Variants in ZNF23 observed in about 807,000 individuals in gnomAD.
ZNF23 encodes the protein zinc finger protein 23.
In ZNF23, 48 loss-of-function variants were observed where a neutral mutation model predicts 56.2. The ratio of observed to expected loss-of-function variants is 0.85; its 90% CI spans 0.68 to 1.09. The LOEUF is 1.09. Ranked by LOEUF, ZNF23 falls within the 50% of genes least tolerant of loss-of-function variation. The probability of loss-of-function intolerance (pLI) is 0.00; values close to 1 mark genes in which losing one functional copy is unlikely to be tolerated. For synonymous variants in ZNF23, 266 were observed against 283.3 expected (o/e 0.94, Z 0.61); for missense variants, 805 against 811.4 (o/e 0.99, Z 0.10).
Position 71,448,395 on chromosome 16 carries a change from T to C in ZNF23, c.1759A>G (p.Ser587Gly). 1 of 1,614,246 alleles carries C rather than the reference T, an allele frequency of 6.2e-7. No individual in the cohort carries two copies. Among genetic ancestry groups the C allele is most frequent in the South Asian group, 1.1e-5 (1 of 91,088 alleles). Residue 587 changes from serine to glycine, a missense_variant, in exon 5 of 5, where the codon AGT becomes GGT. Transcript: ENST00000647773. ...CTCTGGTGCACAATATAGTTAGAAC[T>C]ACAGCTGAATGCTTTCTCACATTCC... ...CMECEKAFSCSSNYIVHQRIH... is the reference protein window; with the variant it reads ...CMECEKAFSCGSNYIVHQRIH...
Position 71,454,125 on chromosome 16 carries a change from G to T in ZNF23, c.77C>A (p.Ala26Glu). 2 of 1,613,958 alleles carry T rather than the reference G, an allele frequency of 1.2e-6. No homozygotes were observed. The highest frequency in any genetic ancestry group is 8.5e-7 in the Non-Finnish European group (1 of 1,179,988). The change falls in exon 3 of 5, where the codon GCG becomes GAG. Residue 26 changes from alanine (A) to glutamate (E), a missense_variant. Ala to Glu is a moderately radical substitution (Grantham distance 107). Coordinates refer to ENST00000647773, the MANE Select transcript of ZNF23 (RefSeq NM_001381984.1). ...FEDVAVYFTQ[A>E]EWDGLSPAQR... is the part of the protein sequence containing the mutation. ...TGCAGGGGACAGGCCATCCCATTCC[G>T]CCTGGGTGAAGTACACAGCCACGTC... is the stretch of plus-strand genomic sequence containing the variant.
At chr16:71,458,902 G>C (rs904680163) in intron 1 of ZNF23, among the ~76,000 whole-genome samples, 1 of 152,236 alleles carries the variant, frequency 6.6e-6, no homozygotes, top group African/African-American at 2.4e-5. Context: ...GCTGAGCAGT[G>C]TTTTACTTAT....
In ZNF23 at chr16:71,449,806, G is replaced by C. The variant is rs1458260141; in HGVS notation, c.348C>G (p.Asp116Glu). 8 of 1,613,894 alleles carry C rather than the reference G, an allele frequency of 5.0e-6. No individual in the cohort carries two copies. Among genetic ancestry groups the C allele is most frequent in the Non-Finnish European group, 6.8e-6 (8 of 1,180,030 alleles). The change falls in exon 5 of 5, where the codon GAC becomes GAG. Residue 116 changes from aspartate to glutamate, a missense_variant. Asp to Glu is a conservative substitution (Grantham distance 45). Transcript: ENST00000647773. ...CTGAAAAGTCTGTTTCCTGGGAAAA[G>C]TCTCTTTGAAGTTCAAATGATACAT... ...KENVSFELQRDFSQETDFSEA... is the reference protein window; with the variant it reads ...KENVSFELQREFSQETDFSEA...
Position 71,448,025 on chromosome 16 carries a change from G to A in ZNF23, c.*68C>T, listed in dbSNP as rs1596991842. 1 of 1,325,608 alleles carries A rather than the reference G, an allele frequency of 7.5e-7. No individual in the cohort carries two copies. The highest frequency in any genetic ancestry group is 2.4e-5 in the East Asian group (1 of 42,496). The allele number at this position is 1,325,608 out of a possible 1,614,324, so 82.1% of individuals were successfully genotyped here. ...CATGCCCTCTTGGAGGTTTTTCAATGGATGAATCTGATGATACTTGATCCA... is the reference window on the plus strand; with the variant it reads ...CATGCCCTCTTGGAGGTTTTTCAATAGATGAATCTGATGATACTTGATCCA... On this transcript the variant is annotated 3_prime_UTR_variant, in exon 5 of 5. Coordinates refer to ENST00000647773, the MANE Select transcript of ZNF23 (RefSeq NM_001381984.1).
At chr16:71,457,166 G>C (rs1473539333) in intron 1 of ZNF23, among the ~76,000 whole-genome samples, 1 of 152,020 alleles carries the variant, frequency 6.6e-6, no homozygotes, top group Non-Finnish European at 1.5e-5. Flanking sequence ...ACGGTGGCTC[G>C]TGCCTATAAT....
chr16:71,458,696 C>T (rs946019973), intron 1 of ZNF23, among the ~76,000 whole-genome samples: 6 of 152,180 alleles, frequency 3.9e-5, no homozygotes, highest in South Asian at 2.1e-4. Flanking sequence ...ACTCACTCCC[C>T]GCCTCCCCCA....
rs1341573034 is a variant in ZNF23 at position 71,449,168 on chromosome 16, C to G, written c.986G>C (p.Gly329Ala). 1.9e-6 allele frequency: 3 copies of G among 1,614,098 alleles called. No individual in the cohort carries two copies. Among genetic ancestry groups the G allele is most frequent in the South Asian group, 2.2e-5 (2 of 91,080 alleles). Residue 329 changes from glycine to alanine, a missense_variant, in exon 5 of 5, where the codon GGA becomes GCA. Physicochemically the swap from Gly to Ala is moderately conservative, Grantham distance 60. Coordinates refer to ENST00000647773, the MANE Select transcript of ZNF23 (RefSeq NM_001381984.1). The stretch of plus-strand genomic sequence containing the variant: ...TGCAGAACTACAGCTGAAGCCATTT[C>G]CACATTCCTTGCACTGATAGGGCTT... ...GEKPYQCKEC[G>A]NGFSCSSAYI... is the part of the protein sequence containing the mutation.
At chr16:71,453,521 AC>A in intron 3 of ZNF23, 171 bp from the exon 4 acceptor site, 1 of 563,234 alleles carries the variant, frequency 1.8e-6, no homozygotes, top group Non-Finnish European at 3.1e-6. Context: ...GACTAAAGAG[AC>A]CTTGGAGACT....
chr16:71,454,924 C>A (rs536046767), intron 2 of ZNF23, among the ~76,000 whole-genome samples: 1 of 152,298 alleles, frequency 6.6e-6, no homozygotes, highest in African/African-American at 2.4e-5. Context: ...AGGGACGCTT[C>A]GTGTCACTCC....
At chr16:71,457,901 C>T (rs1336570231) in intron 1 of ZNF23, among the ~76,000 whole-genome samples, 1 of 152,138 alleles carries the variant, frequency 6.6e-6, no homozygotes, top group African/African-American at 2.4e-5. Context: ...GCTGGACTGG[C>T]TGGGCTGCAG....
intron 4 of ZNF23, 110 bp from the exon 5 acceptor site, chr16:71,449,995 A>C: frequency 1.2e-6 from 1 of 833,746 alleles, no homozygotes; most frequent in Non-Finnish European, 1.8e-6. Context: ...AAATCACCAG[A>C]CTAGGTCAAA....
rs779589820 is a variant in ZNF23, at chr16:71,449,335, C to T, written c.819G>A (p.Gly273=). ...GEKPFKCVEC[G]KSFSYSSHYI... Reference sequence around the variant, plus strand: ...AATGGGAACTGTAGCTGAAGCTTTTCCCACACTCCACACATTTGAAGGGTT... The same window carrying T: ...AATGGGAACTGTAGCTGAAGCTTTTTCCACACTCCACACATTTGAAGGGTT... Residue 273 remains glycine, a synonymous_variant, in exon 5 of 5, where the codon GGG becomes GGA. Coordinates refer to ENST00000647773, the MANE Select transcript of ZNF23 (RefSeq NM_001381984.1). 1.7e-5 allele frequency: 27 copies of T among 1,614,040 alleles called. No homozygotes were observed. In the African/African-American group the frequency reaches 3.2e-4, roughly 19 times the overall value.
intron 2 of ZNF23, chr16:71,455,980 G>C (rs1337757463): frequency 2.2e-6 from 1 of 455,924 alleles, no homozygotes; most frequent in Non-Finnish European, 4.4e-6. Context: ...CGGTTGTCAG[G>C]ACCAAACGAC....
At chr16:71,455,973 T>A in intron 2 of ZNF23, 1 of 455,718 alleles carries the variant, frequency 2.2e-6, no homozygotes, top group South Asian at 1.6e-5. Flanking sequence ...ACAGAGGCGG[T>A]TGTCAGGACC....
chr16:71,461,657 A>G (rs1485901076), intron 1 of ZNF23: 2 of 152,196 alleles, frequency 1.3e-5, no homozygotes, highest in African/African-American at 4.8e-5. Context: ...GGGCTGAGTT[A>G]CCTTTTGGGA....
At chr16:71,450,046 A>G in intron 4 of ZNF23, 161 bp from the exon 5 acceptor site, 1 of 527,664 alleles carries the variant, frequency 1.9e-6, no homozygotes, top group Non-Finnish European at 3.2e-6. Flanking sequence ...AGTAATTTGT[A>G]ACTAACTAGT....
intron 4 of ZNF23, chr16:71,451,863 C>T (rs758984349): frequency 7.2e-5 from 11 of 152,182 alleles, no homozygotes; most frequent in Non-Finnish European, 1.3e-4. Flanking sequence ...AAATATCTCT[C>T]GTTTTCACTT....
At chr16:71,452,269 T>C (rs2043082998) in intron 4 of ZNF23, 1 of 152,132 alleles carries the variant, frequency 6.6e-6, no homozygotes, top group East Asian at 1.9e-4. Context: ...TGGTCAGATA[T>C]CGTCTGATAG....
At position 71,448,615 on chromosome 16, in the gene ZNF23, G is replaced by C. The variant is rs759923199; in HGVS notation, c.1539C>G (p.His513Gln). Residue 513 changes from histidine (H) to glutamine (Q), a missense_variant, in exon 5 of 5, where the codon CAC becomes CAG. Coordinates refer to ENST00000647773, the MANE Select transcript of ZNF23 (RefSeq NM_001381984.1). The stretch of plus-strand genomic sequence containing the variant: ...TACATTCAAAAGGTTTCTCCCCAGT[G>C]TGAATTCTCTGATGCCGCATTAGTT... ...NGKLMRHQRIHTGEKPFECNE... is the reference protein window; with the variant it reads ...NGKLMRHQRIQTGEKPFECNE... The C allele has an allele frequency of 6.2e-7, 1 of 1,614,170 alleles. No homozygotes were observed. Among genetic ancestry groups the C allele is most frequent in the East Asian group, 2.2e-5 (1 of 44,884 alleles).
Sources: gnomAD v4.1 joint callset for allele counts (sites outside exome capture counted in the v4.1 genomes callset) on GRCh38, gnomAD v4.1.1 for gene constraint, MANE v1.5 for transcripts, NCBI Gene and HGNC (gene_info 2026-07-23, HGNC 2026-07-21) for gene names.